The following TSPAN4 variants were observed in gnomAD, a reference collection of about 807,000 sequenced individuals.
The protein encoded by TSPAN4 is tetraspanin-4.
TSPAN4 carries 38 observed loss-of-function variants against 31.5 expected under a neutral mutation model. The ratio of observed to expected loss-of-function variants is 1.21; its 90% CI spans 0.93 to 1.58. The LOEUF is 1.58. TSPAN4 is among the 40% of genes most tolerant of loss of function. TSPAN4 has a pLI of 0.00. For synonymous variants in TSPAN4, 186 were observed against 144.6 expected, an observed-to-expected ratio of 1.29 and a Z score of -2.06; for missense variants, 330 against 317.3, an observed-to-expected ratio of 1.04 and a Z score of -0.30.
At chr11:861,056 C>G (rs538391989) in intron 3 of TSPAN4, among the ~76,000 whole-genome samples, 1 of 152,344 alleles carries the variant, frequency 6.6e-6, no homozygotes, top group South Asian at 2.1e-4. Flanking sequence ...CCCGAGGCCT[C>G]TGTCTGAAGG....
In TSPAN4 at chr11:848,825, G is replaced by A. The variant is rs1847463596; in HGVS notation, c.-17-1463G>A. On this transcript the variant is annotated intron_variant, in intron 2 of 8. Transcript: ENST00000397397. The surrounding 1 kb of genome is among the most constrained non-coding windows in gnomAD (Gnocchi z 5.7). ...CTGGGGCTTCAGAGGCGTGGGGTAGGCTGCAGGGCACAGCTGGGGGCCTCT... is the reference window on the plus strand; with the variant it reads ...CTGGGGCTTCAGAGGCGTGGGGTAGACTGCAGGGCACAGCTGGGGGCCTCT... 4.7e-6 allele frequency: 3 copies of A among 641,666 alleles called. No homozygotes were observed. The highest frequency in any genetic ancestry group is 8.6e-6 in the Non-Finnish European group (3 of 347,292). 39.7% of individuals were successfully genotyped at this position (641,666 alleles called of 1,614,324 possible). A position where few individuals can be genotyped will look rare whatever the true frequency, so the allele number is the denominator to read the frequency against.
Position 848,934 on chromosome 11 carries a change from G to T in TSPAN4, c.-17-1354G>T, listed in dbSNP as rs1410483141. 1 of 712,932 alleles carries T rather than the reference G, an allele frequency of 1.4e-6. No individual in the cohort carries two copies. The highest frequency in any genetic ancestry group is 2.7e-5 in the East Asian group (1 of 36,964). 44.2% of individuals were successfully genotyped at this position (712,932 alleles called of 1,614,324 possible). A position where few individuals can be genotyped will look rare whatever the true frequency, so the allele number is the denominator to read the frequency against. On this transcript the variant is annotated intron_variant, in intron 2 of 8. Coordinates refer to ENST00000397397, the MANE Select transcript of TSPAN4 (RefSeq NM_003271.5). This position sits in a 1 kb window ranked among gnomAD's most constrained non-coding sequence, Gnocchi z 5.7. ...GCAGGCACATCTGCGCACGGGGCCG[G>T]TATGTCTGTACCTGTCAAGGGGTGG... is the stretch of plus-strand genomic sequence containing the variant.
intron 3 of TSPAN4, among the ~76,000 whole-genome samples, chr11:851,933 G>T (rs1590231331): frequency 6.6e-6 from 1 of 151,928 alleles, no homozygotes; most frequent in East Asian, 1.9e-4. Flanking sequence ...CCTTTCCCAG[G>T]GGGGGTCTCT....
chr11:861,652 C>T (rs1848464173), intron 3 of TSPAN4, among the ~76,000 whole-genome samples: 1 of 151,850 alleles, frequency 6.6e-6, no homozygotes, highest in South Asian at 2.1e-4. Context: ...GCGGAGGTTG[C>T]AGTGAGCCGA....
intron 3 of TSPAN4, among the ~76,000 whole-genome samples, chr11:852,649 C>T (rs146811805): frequency 3.9e-5 from 6 of 152,222 alleles, no homozygotes; most frequent in Admixed American, 2.6e-4. Context: ...CTCCTCCTGG[C>T]GTGAGGCTAT....
intron 1 of TSPAN4, among the ~76,000 whole-genome samples, chr11:846,339 CT>C (rs1483954417): frequency 1.3e-5 from 2 of 152,330 alleles, no homozygotes; most frequent in East Asian, 3.9e-4. Context: ...CTGAGATCTC[CT>C]TGCAGCTCAG....
At position 866,020 on chromosome 11, in the gene TSPAN4, CG is replaced by C. The variant is rs1167393599; in HGVS notation, c.648+22del. ...GGTGCAGGTATGGCCTGGGGGCCTG[CG>C]GGCTCCCTGCCCCCACTTTGTTAGG... On this transcript the variant is annotated intron_variant, in intron 8 of 8. Coordinates refer to ENST00000397397, the MANE Select transcript of TSPAN4 (RefSeq NM_003271.5). 1 of 1,609,286 alleles carries C rather than the reference CG, an allele frequency of 6.2e-7. No individual in the cohort carries two copies. Among genetic ancestry groups the C allele is most frequent in the Non-Finnish European group, 8.5e-7 (1 of 1,178,666 alleles).
At chr11:851,123 T>C (rs1847679520) in intron 3 of TSPAN4, among the ~76,000 whole-genome samples, 1 of 152,148 alleles carries the variant, frequency 6.6e-6, no homozygotes, top group Non-Finnish European at 1.5e-5. Context: ...CCCAGCCCCA[T>C]GTCAGCAAGA....
chr11:848,257 C>T lies in TSPAN4; in HGVS notation c.-18+957C>T, dbSNP rs1024306841. On this transcript the variant is annotated intron_variant, in intron 2 of 8. Transcript: ENST00000397397. This position sits in a 1 kb window ranked among gnomAD's most constrained non-coding sequence, Gnocchi z 5.7. ...CTGCTGGGCCCCGATGCGTGGCCGC[C>T]GTTCTGACCCATTCCTGGGGCCCAG... Among the ~76,000 whole-genome samples, 8 of 152,150 alleles carry T rather than the reference C, an allele frequency of 5.3e-5. No homozygotes were observed. The highest frequency in any genetic ancestry group is 1.4e-4 in the African/African-American group (6 of 41,442).
intron 3 of TSPAN4, among the ~76,000 whole-genome samples, chr11:853,172 G>T (rs1459139397): frequency 6.6e-6 from 1 of 152,088 alleles, no homozygotes; most frequent in African/African-American, 2.4e-5. Context: ...GGTGGTCAGG[G>T]TGCAGCTTCC....
At position 861,184 on chromosome 11, in the gene TSPAN4, TTTA is replaced by T. The variant is rs888836927; in HGVS notation, c.64-1364_64-1362del. Among the ~76,000 whole-genome samples, 8 of 152,184 alleles carry T rather than the reference TTTA, an allele frequency of 5.3e-5. 1 individual carries two copies. The South Asian group carries it at 1.4e-3, about 28-fold the overall frequency. On this transcript the variant is annotated intron_variant, in intron 3 of 8. Transcript: ENST00000397397. ...CTGCCTCTTCCTGTTTTAATTGATT[TTTA>T]TAAGAACAAGCACTTAGGAAACACA... is the stretch of plus-strand genomic sequence containing the variant.
rs983067483 is a variant in TSPAN4, at chr11:865,566, G to A, written c.384G>A (p.Thr128=). ...AGAAAGGCTTGCACCTGTACGGCAC[G>A]CAGGGCAACGTGGGCCTCACCAACG... The part of the protein sequence containing the change: ...DLKKGLHLYG[T]QGNVGLTNAW... The change falls in exon 6 of 9, where the codon ACG becomes ACA. Residue 128 remains threonine (T), a synonymous_variant. Coordinates refer to ENST00000397397, the MANE Select transcript of TSPAN4 (RefSeq NM_003271.5). 19 of 1,612,676 alleles carry A rather than the reference G, an allele frequency of 1.2e-5. No homozygotes were observed. The highest frequency in any genetic ancestry group is 5.5e-5 in the South Asian group (5 of 91,074).
At chr11:852,977 C>T (rs991436840) in intron 3 of TSPAN4, among the ~76,000 whole-genome samples, 8 of 152,140 alleles carry the variant, frequency 5.3e-5, no homozygotes, top group Non-Finnish European at 8.8e-5. Flanking sequence ...TGACCAGAGC[C>T]GTGGGCAGTG....
intron 1 of TSPAN4, among the ~76,000 whole-genome samples, chr11:846,667 C>T (rs1226114983): frequency 2.6e-5 from 4 of 152,186 alleles, no homozygotes; most frequent in Non-Finnish European, 5.9e-5. Flanking sequence ...CGGGTCATTG[C>T]TGGCAGCTCC....
intron 1 of TSPAN4, among the ~76,000 whole-genome samples, chr11:845,856 C>T (rs1847291890): frequency 6.6e-6 from 1 of 152,102 alleles, no homozygotes. Context: ...GTGTCTCCAG[C>T]CTCCAGGGCT....
chr11:861,583 G>A (rs894259402), intron 3 of TSPAN4, among the ~76,000 whole-genome samples: 1 of 152,140 alleles, frequency 6.6e-6, no homozygotes, highest in African/African-American at 2.4e-5. Flanking sequence ...GTGGTGGCGG[G>A]CGCCTGTAGT....
chr11:844,971 C>T (rs545331721), intron 1 of TSPAN4, among the ~76,000 whole-genome samples: 13 of 152,260 alleles, frequency 8.5e-5, no homozygotes, highest in South Asian at 6.2e-4. Flanking sequence ...AGGGGGAGCA[C>T]GGGCTGAGCC....
At chr11:866,102 T>C in intron 8 of TSPAN4, 101 bp downstream of exon 8, 1 of 1,321,850 alleles carries the variant, frequency 7.6e-7, no homozygotes, top group Non-Finnish European at 1.1e-6. Context: ...GAACCCACGA[T>C]CGGGGGAGGC....
At chr11:855,218 G>A (rs1847980422) in intron 3 of TSPAN4, among the ~76,000 whole-genome samples, 1 of 152,200 alleles carries the variant, frequency 6.6e-6, no homozygotes, top group African/African-American at 2.4e-5. Flanking sequence ...TGTCTCTGGG[G>A]GCAGAGATGT....
Sources: gnomAD v4.1 joint callset for allele counts (sites outside exome capture counted in the v4.1 genomes callset) on GRCh38, gnomAD v4.1.1 for gene constraint, Gnocchi (gnomAD v3.1) non-coding constraint, MANE v1.5 for transcripts, NCBI Gene and HGNC (gene_info 2026-07-23, HGNC 2026-07-21) for gene names.